The following KERA variants were observed in gnomAD, a reference collection of about 807,000 sequenced individuals.
KERA encodes the protein keratan sulfate proteoglycan keratocan.
A neutral mutation model predicts 26.4 loss-of-function variants in KERA; 25 were observed. The observed-to-expected ratio is 0.95, with a 90% confidence interval of 0.69 to 1.32. KERA has a LOEUF of 1.32. KERA is among the 40% of genes most tolerant of loss of function. The pLI, the probability that KERA is intolerant of heterozygous loss-of-function variation, is 0.00. For missense variants in KERA, 434 were observed against 408.9 expected, an observed-to-expected ratio of 1.06 and a Z score of -0.53; for synonymous variants, 167 against 146.1, an observed-to-expected ratio of 1.14 and a Z score of -1.03.
In KERA at chr12:91,051,130, G is replaced by T. The variant is rs1005295848; in HGVS notation, c.*216C>A. The T allele has an allele frequency of 1.1e-5, 6 of 524,884 alleles. No individual in the cohort carries two copies. In the African/African-American group the frequency reaches 1.2e-4, roughly 10 times the overall value. The allele number at this position is 524,884 out of a possible 1,614,324, so 32.5% of individuals were successfully genotyped here. A position where few individuals can be genotyped will look rare whatever the true frequency, so the allele number is the denominator to read the frequency against. On this transcript the variant is annotated 3_prime_UTR_variant, in exon 3 of 3. Coordinates refer to ENST00000266719, the MANE Select transcript of KERA (RefSeq NM_007035.4). ...AGTTGATAAACTATCTTAACTCTGTGTCTGTTTTATTAATTAAAAGAAAAG... is the reference window on the plus strand; with the variant it reads ...AGTTGATAAACTATCTTAACTCTGTTTCTGTTTTATTAATTAAAAGAAAAG...
chr12:91,051,549 T>G (rs1455336223), intron 2 of KERA, 31 bp from the exon 3 acceptor site: 2 of 1,536,774 alleles, frequency 1.3e-6, no homozygotes, highest in African/African-American at 1.4e-5. Flanking sequence ...GATGAATGAA[T>G]TGGAACACAA....
chr12:91,052,763 G>A (rs778145462), intron 2 of KERA, among the ~76,000 whole-genome samples: 6 of 151,326 alleles, frequency 4.0e-5, no homozygotes, highest in African/African-American at 9.7e-5. Context: ...AGACCTGGCC[G>A]ATTCTTTCTA....
intron 1 of KERA, 140 bp downstream of exon 1, chr12:91,057,604 C>G (rs1879045800): frequency 1.5e-5 from 2 of 132,004 alleles, no homozygotes; most frequent in Non-Finnish European, 3.3e-5. Flanking sequence ...TGGCCATGTT[C>G]CAACAAAGAA....
chr12:91,051,913 A>G (rs902325083), intron 2 of KERA, among the ~76,000 whole-genome samples: 4 of 151,552 alleles, frequency 2.6e-5, no homozygotes, highest in African/African-American at 9.7e-5. Context: ...TGGGACTGAA[A>G]GAATGGGTAA....
At position 91,056,305 on chromosome 12, in the gene KERA, C is replaced by T. The variant is rs28776777; in HGVS notation, c.-8-16G>A. ...ATTATAGCACCTACAGAAAAAGGAACACAACTGTTAGATATTTGAAGATCT... is the reference window on the plus strand; with the variant it reads ...ATTATAGCACCTACAGAAAAAGGAATACAACTGTTAGATATTTGAAGATCT... On this transcript the variant is annotated splice_polypyrimidine_tract_variant and intron_variant, in intron 1 of 2. Transcript: ENST00000266719. 6 of 1,594,194 alleles carry T rather than the reference C, an allele frequency of 3.8e-6. No individual in the cohort carries two copies. The highest frequency in any genetic ancestry group is 5.1e-6 in the Non-Finnish European group (6 of 1,165,082).
Position 91,051,399 on chromosome 12 carries a change from T to G in KERA, c.1006A>C (p.Ile336Leu). ...RLDGNEIKPPIPMALMTCFRL... is the reference protein window; with the variant it reads ...RLDGNEIKPPLPMALMTCFRL... ...AAGCAGGTCATTAAAGCCATTGGAA[T>G]TGGTGGTTTGATTTCATTTCCATCC... is the stretch of plus-strand genomic sequence containing the variant. Residue 336 changes from isoleucine (I) to leucine (L), a missense_variant, in exon 3 of 3, where the codon ATT (isoleucine) becomes CTT (leucine). By Grantham distance (5) the Ile-to-Leu change is conservative. Transcript: ENST00000266719. 6.2e-7 allele frequency: 1 copy of G among 1,611,336 alleles called. No homozygotes were observed. Among genetic ancestry groups the G allele is most frequent in the Non-Finnish European group, 8.5e-7 (1 of 1,178,144 alleles).
At chr12:91,057,499 T>C (rs1163889688) in intron 1 of KERA, among the ~76,000 whole-genome samples, 1 of 150,916 alleles carries the variant, frequency 6.6e-6, no homozygotes, top group Non-Finnish European at 1.5e-5. Context: ...ATTTATGAAA[T>C]GCTGATCATT....
intron 2 of KERA, among the ~76,000 whole-genome samples, chr12:91,052,275 G>A (rs953641145): frequency 4.0e-5 from 6 of 151,432 alleles, no homozygotes; most frequent in Non-Finnish European, 5.9e-5. Flanking sequence ...TGAGATTTAG[G>A]AACATACAGG....
In KERA at chr12:91,056,225, CCA is replaced by C. The variant is rs757391405; in HGVS notation, c.55_56del (p.Trp19ValfsTer2). 5 of 1,609,262 alleles carry C rather than the reference CCA, an allele frequency of 3.1e-6. No individual in the cohort carries two copies. The Admixed American group carries it at 8.4e-5, about 27-fold the overall frequency. On this transcript the variant is annotated frameshift_variant, in exon 2 of 3. Transcript: ENST00000266719. LOFTEE classifies it high-confidence loss of function. Reference protein sequence around the residue: ...MWVLFITDTVWSRSVRQVYEV... With the variant: ...MWVLFITDTVXSRSVRQVYEV... ...CATAGACCTGCCTCACACTTCTAGA[CCA>C]CACAGTGTCTGTTATGAATAACACC...
Position 91,055,683 on chromosome 12 carries a change from G to T in KERA, c.599C>A (p.Ala200Asp). 1 of 1,611,304 alleles carries T rather than the reference G, an allele frequency of 6.2e-7. No individual in the cohort carries two copies. Among genetic ancestry groups the T allele is most frequent in the South Asian group, 1.1e-5 (1 of 91,042 alleles). ...GLKNLMQLNM[A>D]KNALRNMPPR... is the part of the protein sequence containing the mutation. ...AGGCATATTCCTCAGGGCATTCTTG[G>T]CCATGTTTAGCTGCATGAGATTCTT... The change falls in exon 2 of 3, where the codon GCC becomes GAC. Residue 200 changes from alanine to aspartate, a missense_variant. By Grantham distance (126) the Ala-to-Asp change is moderately radical (BLOSUM62 -2). Transcript: ENST00000266719.
At position 91,055,454 on chromosome 12, in the gene KERA, C is replaced by A. The variant is rs200988556; in HGVS notation, c.828G>T (p.Lys276Asn). The change falls in exon 2 of 3, where the codon AAG becomes AAT. Residue 276 changes from lysine (K) to asparagine (N), a missense_variant. By Grantham distance (94) the Lys-to-Asn change is moderately conservative. Coordinates refer to ENST00000266719, the MANE Select transcript of KERA (RefSeq NM_007035.4). The part of the protein sequence containing the change: ...DLQLSHNQLT[K>N]VPRISAHLQH... ...GCAGATGAGCACTGATTCGGGGAAC[C>A]TTTGTGAGTTGATTGTGCGACAGTT... 5.6e-5 allele frequency: 90 copies of A among 1,610,130 alleles called. No homozygotes were observed. The Admixed American group carries it at 1.1e-3, about 19-fold the overall frequency.
chr12:91,056,794 T>C (rs1327479224), intron 1 of KERA, among the ~76,000 whole-genome samples: 1 of 151,128 alleles, frequency 6.6e-6, no homozygotes, highest in Non-Finnish European at 1.5e-5. Flanking sequence ...TCAAAGAACA[T>C]TTTAGCACTT....
At position 91,051,118 on chromosome 12, in the gene KERA, TC is replaced by T. The variant is rs1383317368; in HGVS notation, c.*227del. ...AAACTATCTTTGAGTTGATAAACTA[TC>T]TTAACTCTGTGTCTGTTTTATTAAT... On this transcript the variant is annotated 3_prime_UTR_variant, in exon 3 of 3. Transcript: ENST00000266719. 4 of 503,492 alleles carry T rather than the reference TC, an allele frequency of 7.9e-6. No homozygotes were observed. Among genetic ancestry groups the T allele is most frequent in the Non-Finnish European group, 1.5e-5 (4 of 275,576 alleles). 31.2% of individuals were successfully genotyped at this position (503,492 alleles called of 1,614,324 possible). A position where few individuals can be genotyped will look rare whatever the true frequency, so the allele number is the denominator to read the frequency against.
chr12:91,053,935 G>A (rs1878925101), intron 2 of KERA, among the ~76,000 whole-genome samples: 1 of 151,320 alleles, frequency 6.6e-6, no homozygotes, highest in African/African-American at 2.4e-5. Context: ...GAATGTACCT[G>A]TAATATACCT....
At position 91,055,736 on chromosome 12, in the gene KERA, G is replaced by C; in HGVS notation, c.546C>G (p.Ala182=). ...DLQNNKLVDN[A]FQRDTFKGLK... is the part of the protein sequence containing the mutation. ...GTCCTTTAAAAGTGTCTCTTTGAAA[G>C]GCATTGTCCACTAATTTGTTGTTCT... The change falls in exon 2 of 3, where the codon GCC becomes GCG. Residue 182 remains alanine (A), a synonymous_variant. Transcript: ENST00000266719. The C allele has an allele frequency of 1.2e-6, 2 of 1,611,396 alleles. No homozygotes were observed. The highest frequency in any genetic ancestry group is 1.7e-6 in the Non-Finnish European group (2 of 1,178,230).
chr12:91,055,483 G>C lies in KERA; in HGVS notation c.799C>G (p.Leu267Val). Residue 267 changes from leucine (L) to valine (V), a missense_variant, in exon 2 of 3, where the codon CTT becomes GTT. Physicochemically the swap from Leu to Val is conservative, Grantham distance 32 (BLOSUM62 1). Transcript: ENST00000266719. Reference protein sequence around the residue: ...RGFDVSSILDLQLSHNQLTKV... With the variant: ...RGFDVSSILDVQLSHNQLTKV... ...GTGAGTTGATTGTGCGACAGTTGAA[G>C]ATCTAGAATTGATGATACATCAAAT... 1 of 1,610,126 alleles carries C rather than the reference G, an allele frequency of 6.2e-7. No individual in the cohort carries two copies. Among genetic ancestry groups the C allele is most frequent in the South Asian group, 1.1e-5 (1 of 90,902 alleles).
Position 91,055,987 on chromosome 12 carries a change from A to G in KERA, c.295T>C (p.Trp99Arg), listed in dbSNP as rs376196047. The change falls in exon 2 of 3, where the codon TGG becomes CGG. Residue 99 changes from tryptophan (W) to arginine (R), a missense_variant. By Grantham distance (101) the Trp-to-Arg change is moderately radical. Coordinates refer to ENST00000266719, the MANE Select transcript of KERA (RefSeq NM_007035.4). ...KPFENATQLRWINLNKNKITN... is the reference protein window; with the variant it reads ...KPFENATQLRRINLNKNKITN... ...ATTTTGTTCTTGTTTAGATTTATCC[A>G]TCTTAGCTGGGTGGCATTCTCAAAT... 6.2e-7 allele frequency: 1 copy of G among 1,610,888 alleles called. No homozygotes were observed. Among genetic ancestry groups the G allele is most frequent in the Non-Finnish European group, 8.5e-7 (1 of 1,178,110 alleles).
rs1878977073 is a variant in KERA at position 91,055,553 on chromosome 12, T to C, written c.729A>G (p.Arg243=). ...CATCTGACAGTTTGTTGTGATTTAG[T>C]CTCAAAAAGGCCACTTTAGGAATCA... ...FNVIPKVAFL[R]LNHNKLSDEG... The change falls in exon 2 of 3, where the codon AGA becomes AGG. Residue 243 remains arginine, a synonymous_variant. Transcript: ENST00000266719. 2 of 1,610,534 alleles carry C rather than the reference T, an allele frequency of 1.2e-6. No individual in the cohort carries two copies. Among genetic ancestry groups the C allele is most frequent in the African/African-American group, 1.3e-5 (1 of 74,586 alleles).
Position 91,051,290 on chromosome 12 carries a change from A to G in KERA, c.*56T>C, listed in dbSNP as rs1878859118. ...TGTCCTAAACCTATTAATGGTAACCACATTTCATGTCAGAAACAGCTCATT... is the reference window on the plus strand; with the variant it reads ...TGTCCTAAACCTATTAATGGTAACCGCATTTCATGTCAGAAACAGCTCATT... On this transcript the variant is annotated 3_prime_UTR_variant, in exon 3 of 3. Transcript: ENST00000266719. 2.1e-6 allele frequency: 3 copies of G among 1,424,420 alleles called. No homozygotes were observed. Among genetic ancestry groups the G allele is most frequent in the Non-Finnish European group, 3.0e-6 (3 of 1,010,420 alleles). 88.2% of individuals were successfully genotyped at this position (1,424,420 alleles called of 1,614,324 possible).
Sources: allele counts gnomAD v4.1 joint callset (sites outside exome capture counted in the v4.1 genomes callset), GRCh38; gene constraint gnomAD v4.1.1; transcripts MANE v1.5; gene names NCBI Gene and HGNC (gene_info 2026-07-23, HGNC 2026-07-21).